Variants in DCT observed in about 807,000 individuals in gnomAD.
DCT encodes the protein dopachrome tautomerase, also known as L-dopachrome tautomerase.
In DCT, 47 loss-of-function variants were observed where a neutral mutation model predicts 53.0. The observed-to-expected ratio is 0.89, with a 90% CI of 0.70 to 1.13. DCT has a LOEUF of 1.13. DCT is among the 50% of genes most tolerant of loss of function. The pLI, the probability that DCT is intolerant of heterozygous loss-of-function variation, is 0.00. For synonymous variants in DCT, 244 were observed against 237.0 expected (o/e 1.03, Z -0.27); for missense variants, 669 against 637.4 (o/e 1.05, Z -0.53).
chr13:94,495,493 C>T, the DCT span, among the ~76,000 whole-genome samples: 1 of 152,146 alleles, frequency 6.6e-6, no homozygotes, highest in East Asian at 1.9e-4. Context: ...GCGCCCAAGA[C>T]ATAATTTCAT....
intron 7 of DCT, 93 bp downstream of exon 7, chr13:94,443,343 A>G: frequency 9.8e-7 from 1 of 1,020,760 alleles, no homozygotes; most frequent in Non-Finnish European, 1.5e-6. Context: ...GCTTCGGCTA[A>G]AGGTCTTGGT....
chr13:94,476,638 G>A (rs986811567), intron 1 of DCT, among the ~76,000 whole-genome samples: 8 of 151,946 alleles, frequency 5.3e-5, no homozygotes, highest in South Asian at 2.1e-4. Context: ...ACCACACCTC[G>A]CTAATTTTTG....
the DCT span, among the ~76,000 whole-genome samples, chr13:94,522,465 G>A: frequency 6.6e-6 from 1 of 152,066 alleles, no homozygotes; most frequent in Non-Finnish European, 1.5e-5. Context: ...GTGGGACCTT[G>A]TGCTCATGTG....
At chr13:94,484,442 C>A (rs1885577834), upstream of DCT, among the ~76,000 whole-genome samples, 1 of 152,164 alleles carries the variant, frequency 6.6e-6, no homozygotes, top group Non-Finnish European at 1.5e-5. Flanking sequence ...CTCTCATATC[C>A]CCATCTGCTC....
rs1884178474 is a variant in DCT at position 94,465,975 on chromosome 13, T to TATATAC, written c.697-177_697-176insGTATAT. Among the ~76,000 whole-genome samples, 11 of 6,164 alleles carry TATATAC rather than the reference T, an allele frequency of 1.8e-3. No individual in the cohort carries two copies. The South Asian group carries it at 0.021, about 12-fold the overall frequency. The allele number at this position is 6,164 out of a possible 152,430, so 4.0% of individuals were successfully genotyped here. A position where few individuals can be genotyped will look rare whatever the true frequency, so the allele number is the denominator to read the frequency against. On this transcript the variant is annotated intron_variant, in intron 3 of 7. Transcript: ENST00000377028. ...AATCAGTGTGTGTATATTTTATATA[T>TATATAC]ATATATATATATATATATATATATA...
rs375498582 is a variant in DCT, at chr13:94,462,103, A to G, written c.950T>C (p.Met317Thr). ...LRRNQMGRNSMKLPTLKDIRD... is the reference protein window; with the variant it reads ...LRRNQMGRNSTKLPTLKDIRD... The stretch of plus-strand genomic sequence containing the variant: ...TATGTCTTTTAAGGTTGGCAATTTC[A>G]TGCTGTTTCTTCCCATTTGATTTCT... The change falls in exon 5 of 8, where the codon ATG (methionine) becomes ACG (threonine). Residue 317 changes from methionine (M) to threonine (T), a missense_variant. Physicochemically the swap from Met to Thr is moderately conservative, Grantham distance 81. Coordinates refer to ENST00000377028, the MANE Select transcript of DCT (RefSeq NM_001922.5). 1.9e-6 allele frequency: 3 copies of G among 1,613,174 alleles called. No individual in the cohort carries two copies. Among genetic ancestry groups the G allele is most frequent in the Non-Finnish European group, 2.5e-6 (3 of 1,179,668 alleles).
chr13:94,492,799 G>A, the DCT span, among the ~76,000 whole-genome samples: 2 of 151,916 alleles, frequency 1.3e-5, no homozygotes, highest in Non-Finnish European at 2.9e-5. Flanking sequence ...TTAATCTTTG[G>A]GTGTTTATCA....
the DCT span, among the ~76,000 whole-genome samples, chr13:94,510,205 A>G: frequency 1.3e-5 from 2 of 152,120 alleles, no homozygotes; most frequent in African/African-American, 4.8e-5. Context: ...CATCAGAGTC[A>G]CTGGATGGCT....
At chr13:94,489,062 G>T in the DCT span, among the ~76,000 whole-genome samples, 3 of 152,100 alleles carry the variant, frequency 2.0e-5, no homozygotes, top group African/African-American at 4.8e-5. Context: ...ACAAGAAACT[G>T]GTTGAGTGCT....
the DCT span, among the ~76,000 whole-genome samples, chr13:94,505,686 A>G: frequency 6.6e-6 from 1 of 152,230 alleles, no homozygotes; most frequent in Admixed American, 6.5e-5. Context: ...AATGGCAAAC[A>G]TGATGGGACA....
At chr13:94,450,825 C>G in intron 6 of DCT, among the ~76,000 whole-genome samples, 1 of 152,168 alleles carries the variant, frequency 6.6e-6, no homozygotes, top group East Asian at 1.9e-4. Context: ...CCATTCTTGA[C>G]TAAACAATCA....
intron 6 of DCT, chr13:94,445,680 G>C: frequency 7.0e-7 from 1 of 1,431,480 alleles, no homozygotes; most frequent in African/African-American, 1.4e-5. Context: ...CACAACAAAG[G>C]AAAAAAACCT....
intron 1 of DCT, among the ~76,000 whole-genome samples, chr13:94,475,847 CAAT>C (rs1473992551): frequency 6.6e-6 from 1 of 152,150 alleles, no homozygotes; most frequent in Non-Finnish European, 1.5e-5. Flanking sequence ...AATTATGCCT[CAAT>C]AAAACTGGGA....
chr13:94,445,860 T>A, intron 6 of DCT: 1 of 781,050 alleles, frequency 1.3e-6, no homozygotes, highest in Non-Finnish European at 2.1e-6. Flanking sequence ...AAGTGGCCCA[T>A]TCCTGGAGGC....
chr13:94,469,028 T>C lies in DCT; in HGVS notation c.313A>G (p.Asn105Asp). The C allele has an allele frequency of 6.2e-7, 1 of 1,612,494 alleles. No individual in the cohort carries two copies. Among genetic ancestry groups the C allele is most frequent in the Non-Finnish European group, 8.5e-7 (1 of 1,178,570 alleles). The change falls in exon 2 of 8, where the codon AAT becomes GAT. Residue 105 changes from asparagine (N) to aspartate (D), a missense_variant. By Grantham distance (23) the Asn-to-Asp change is conservative (BLOSUM62 1). Coordinates refer to ENST00000377028, the MANE Select transcript of DCT (RefSeq NM_001922.5). The stretch of plus-strand genomic sequence containing the variant: ...CAGCCAAACTTGCAGTCTCCACAAT[T>C]ATAGCCGGCAAAGTTTCCTAGTTCA... ...CKCTGNFAGY[N>D]CGDCKFGWTG...
chr13:94,439,708 G>T lies in DCT; in HGVS notation c.*190C>A, dbSNP rs1486387378. ...AGAGGTAGCCTCAAGCACTTTAGTT[G>T]GGTTTGTTAAACAAGCAAGCAAAGC... On this transcript the variant is annotated 3_prime_UTR_variant, in exon 8 of 8. Coordinates refer to ENST00000377028, the MANE Select transcript of DCT (RefSeq NM_001922.5). The T allele has an allele frequency of 1.9e-5, 8 of 430,370 alleles. No homozygotes were observed. Among genetic ancestry groups the T allele is most frequent in the Non-Finnish European group, 3.3e-5 (8 of 244,672 alleles). 26.7% of individuals were successfully genotyped at this position (430,370 alleles called of 1,614,324 possible).
At chr13:94,480,121 T>C (rs191859008), upstream of DCT, among the ~76,000 whole-genome samples, 1 of 152,334 alleles carries the variant, frequency 6.6e-6, no homozygotes, top group Non-Finnish European at 1.5e-5. Context: ...TGTTCCACAA[T>C]TGGGAATCCT....
chr13:94,520,873 T>C, the DCT span, among the ~76,000 whole-genome samples: 1 of 152,338 alleles, frequency 6.6e-6, no homozygotes, highest in South Asian at 2.1e-4. Context: ...TCCCTAATGG[T>C]AAATCACACG....
chr13:94,488,373 G>C, the DCT span, among the ~76,000 whole-genome samples: 1 of 151,996 alleles, frequency 6.6e-6, no homozygotes, highest in African/African-American at 2.4e-5. Flanking sequence ...ATCTACCAGG[G>C]TTTATAGATG....
Sources: gnomAD v4.1 joint callset for allele counts (sites outside exome capture counted in the v4.1 genomes callset) on GRCh38, gnomAD v4.1.1 for gene constraint, MANE v1.5 for transcripts, NCBI Gene and HGNC (gene_info 2026-07-23, HGNC 2026-07-21) for gene names.